STARD13: variants seen among roughly 807,000 people sequenced by gnomAD.
STARD13 encodes StAR related lipid transfer domain containing 13, also known as stAR-related lipid transfer protein 13.
STARD13 carries 62 observed loss-of-function variants against 106.4 expected under a neutral mutation model. The ratio of observed to expected loss-of-function variants is 0.58; its 90% CI spans 0.48 to 0.72. The LOEUF is 0.72. Ranked by LOEUF, STARD13 falls within the 30% of genes least tolerant of loss-of-function variation. The pLI, the probability that STARD13 is intolerant of heterozygous loss-of-function variation, is 0.00. For missense variants in STARD13, 1,387 were observed against 1,424.0 expected, an observed-to-expected ratio of 0.97 and a Z score of 0.42; for synonymous variants, 565 against 553.0, an observed-to-expected ratio of 1.02 and a Z score of -0.31.
At chr13:33,583,619 A>G in the STARD13 span, among the ~76,000 whole-genome samples, 1 of 151,978 alleles carries the variant, frequency 6.6e-6, no homozygotes, top group South Asian at 2.1e-4. Context: ...CCTTATTTCC[A>G]TTCTTGATAT....
At chr13:33,576,239 T>C in the STARD13 span, among the ~76,000 whole-genome samples, 1 of 152,190 alleles carries the variant, frequency 6.6e-6, no homozygotes, top group South Asian at 2.1e-4. Flanking sequence ...CTCTTTTTTT[T>C]TGAAACAAGG....
chr13:33,671,874 C>T, the STARD13 span, among the ~76,000 whole-genome samples: 2 of 152,124 alleles, frequency 1.3e-5, no homozygotes, highest in Admixed American at 6.5e-5. Flanking sequence ...AAATAATTTG[C>T]TTCTATTATT....
the STARD13 span, among the ~76,000 whole-genome samples, chr13:33,495,575 T>C: frequency 6.6e-6 from 1 of 152,052 alleles, no homozygotes; most frequent in African/African-American, 2.4e-5. Context: ...AGATTTCCAA[T>C]CTTCTAAACA....
chr13:33,360,763 G>A, the STARD13 span, among the ~76,000 whole-genome samples: 1 of 137,304 alleles, frequency 7.3e-6, no homozygotes, highest in Non-Finnish European at 1.6e-5. Context: ...GGATTGAACT[G>A]TGTGGGTCCA....
At chr13:33,288,871 T>C (rs558944034), upstream of STARD13, among the ~76,000 whole-genome samples, 1 of 152,366 alleles carries the variant, frequency 6.6e-6, no homozygotes, top group African/African-American at 2.4e-5. Flanking sequence ...CTCATTAGCA[T>C]GTCATTAGTA....
chr13:33,475,436 C>T, the STARD13 span, among the ~76,000 whole-genome samples: 2 of 152,092 alleles, frequency 1.3e-5, no homozygotes, highest in South Asian at 4.2e-4. Flanking sequence ...CTACGCATTT[C>T]CAACAATTCA....
At chr13:33,391,529 A>G in the STARD13 span, among the ~76,000 whole-genome samples, 1 of 152,202 alleles carries the variant, frequency 6.6e-6, no homozygotes, top group African/African-American at 2.4e-5. Flanking sequence ...ATAATTTGGA[A>G]ACATTTCTTA....
the STARD13 span, among the ~76,000 whole-genome samples, chr13:33,467,272 T>G: frequency 5.3e-5 from 8 of 151,890 alleles, no homozygotes; most frequent in African/African-American, 1.9e-4. Flanking sequence ...TGACAGGTCA[T>G]CAGGCATTAG....
the STARD13 span, among the ~76,000 whole-genome samples, chr13:33,582,831 G>C: frequency 1.1e-4 from 16 of 152,312 alleles, no homozygotes; most frequent in African/African-American, 3.6e-4. Flanking sequence ...TTTTCAAAGA[G>C]AGCTTTGTTA....
At chr13:33,303,588 A>C (rs779446715) in intron 1 of STARD13, among the ~76,000 whole-genome samples, 2 of 152,216 alleles carry the variant, frequency 1.3e-5, no homozygotes. Context: ...CAGGTTCCTC[A>C]AAGAGCCTGA....
chr13:33,640,612 T>C, the STARD13 span, among the ~76,000 whole-genome samples: 1 of 152,196 alleles, frequency 6.6e-6, no homozygotes, highest in African/African-American at 2.4e-5. Flanking sequence ...TCTCATTCTA[T>C]CAATTACTTG....
chr13:33,400,382 G>A, the STARD13 span, among the ~76,000 whole-genome samples: 3 of 151,932 alleles, frequency 2.0e-5, no homozygotes, highest in Non-Finnish European at 4.4e-5. Flanking sequence ...ATACTTTGAT[G>A]GACACTTAGG....
At chr13:33,317,887 T>C (rs1393664541) in intron 1 of STARD13, among the ~76,000 whole-genome samples, 2 of 152,192 alleles carry the variant, frequency 1.3e-5, no homozygotes, top group Non-Finnish European at 2.9e-5. Context: ...TAAATCTCAG[T>C]AATTTTGTCA....
At chr13:33,368,189 C>T in the STARD13 span, among the ~76,000 whole-genome samples, 1 of 152,174 alleles carries the variant, frequency 6.6e-6, no homozygotes, top group Non-Finnish European at 1.5e-5. Context: ...TGCAATGTGT[C>T]CCGAGCTAGG....
chr13:33,613,242 T>C, the STARD13 span, among the ~76,000 whole-genome samples: 1 of 152,218 alleles, frequency 6.6e-6, no homozygotes, highest in East Asian at 1.9e-4. Context: ...TTATTACATA[T>C]ATTTTATAGG....
At chr13:33,112,429 T>C (rs1874716476) in intron 9 of STARD13, among the ~76,000 whole-genome samples, 1 of 152,220 alleles carries the variant, frequency 6.6e-6, no homozygotes, top group Admixed American at 6.5e-5. Context: ...TATCTATCTA[T>C]AATCTATTAT....
intron 1 of STARD13, among the ~76,000 whole-genome samples, chr13:33,170,238 C>T (rs1054788736): frequency 1.3e-5 from 2 of 152,118 alleles, no homozygotes; most frequent in African/African-American, 4.8e-5. Context: ...GTTCATATTG[C>T]ACACCTGTAT....
the STARD13 span, among the ~76,000 whole-genome samples, chr13:33,520,614 G>A: frequency 6.6e-6 from 1 of 151,990 alleles, no homozygotes; most frequent in African/African-American, 2.4e-5. Flanking sequence ...ACCTCAGCCT[G>A]GTGGTCAAAG....
chr13:33,292,647 A>G (rs570458036), intron 1 of STARD13, among the ~76,000 whole-genome samples: 57 of 152,164 alleles, frequency 3.7e-4, no homozygotes, highest in Middle Eastern at 3.4e-3. Context: ...TATGGTAGCA[A>G]AATTTAGTTC....
Sources: gnomAD v4.1 joint callset for allele counts (sites outside exome capture counted in the v4.1 genomes callset) on GRCh38, gnomAD v4.1.1 for gene constraint, MANE v1.5 for transcripts, NCBI Gene and HGNC (gene_info 2026-07-23, HGNC 2026-07-21) for gene names.